LSAMP: variants seen among roughly 807,000 people sequenced by gnomAD.
LSAMP encodes limbic system-associated membrane protein.
A neutral mutation model predicts 38.6 loss-of-function variants in LSAMP; 7 were observed. The ratio of observed to expected loss-of-function variants is 0.18; its 90% CI spans 0.10 to 0.34. The LOEUF (loss-of-function observed/expected upper bound fraction) is 0.34, where lower values mean the gene tolerates loss of function less well. Ranked by LOEUF, LSAMP falls within the 10% of genes least tolerant of loss-of-function variation. LSAMP has a pLI of 1.00. For missense variants in LSAMP, 313 were observed against 420.0 expected (o/e 0.75, Z 2.23); for synonymous variants, 154 against 166.8 (o/e 0.92, Z 0.59).
At chr3:116,130,857 T>C (rs1218325653) in intron 1 of LSAMP, among the ~76,000 whole-genome samples, 1 of 152,078 alleles carries the variant, frequency 6.6e-6, no homozygotes, top group African/African-American at 2.4e-5. Flanking sequence ...TTTCCTCTCT[T>C]TTCCTCCTCC....
chr3:115,975,140 CTGAGCACAG>C (rs1473180069), intron 3 of LSAMP, among the ~76,000 whole-genome samples: 1 of 152,050 alleles, frequency 6.6e-6, no homozygotes, highest in Non-Finnish European at 1.5e-5. Context: ...GAGAGACTGG[CTGAGCACAG>C]TGACTCACTC....
rs1364805702 is a variant in LSAMP, at chr3:115,923,369, T to C, written c.515-70752A>G. On this transcript the variant is annotated intron_variant, in intron 3 of 6. Transcript: ENST00000490035. The stretch of plus-strand genomic sequence containing the variant: ...TGCATATAAAATGAAATTCTTCTTC[T>C]TGACCATTTGAGTGCATCTATTTTT... Among the ~76,000 whole-genome samples the C allele has an allele frequency of 3.9e-5, 6 of 152,216 alleles. No individual in the cohort carries two copies. In the East Asian group the frequency reaches 1.2e-3, roughly 29 times the overall value.
At chr3:116,174,017 C>T (rs1384863732) in intron 1 of LSAMP, among the ~76,000 whole-genome samples, 1 of 151,912 alleles carries the variant, frequency 6.6e-6, no homozygotes, top group Non-Finnish European at 1.5e-5. Flanking sequence ...CAGAACTTTT[C>T]CAAATCAGAA....
At chr3:115,840,446 G>A (rs571693381) in intron 6 of LSAMP, among the ~76,000 whole-genome samples, 5 of 152,208 alleles carry the variant, frequency 3.3e-5, no homozygotes, top group African/African-American at 1.2e-4. Flanking sequence ...AGCGTCTTAG[G>A]GATATTGATG....
chr3:116,423,654 C>T (rs2049158670), intron 1 of LSAMP, among the ~76,000 whole-genome samples: 1 of 152,140 alleles, frequency 6.6e-6, no homozygotes, highest in Non-Finnish European at 1.5e-5. Flanking sequence ...CGGTCCCTGG[C>T]TGAATACAAA....
At chr3:116,260,242 A>G (rs1576465809) in intron 1 of LSAMP, among the ~76,000 whole-genome samples, 2 of 152,254 alleles carry the variant, frequency 1.3e-5, no homozygotes, top group Non-Finnish European at 2.9e-5. Flanking sequence ...TTAAACAAAC[A>G]CACTTGATCT....
At chr3:116,367,882 T>C (rs906457492) in intron 1 of LSAMP, 3 of 152,086 alleles carry the variant, frequency 2.0e-5, no homozygotes, top group Admixed American at 6.6e-5. Flanking sequence ...CACTGCTTAC[T>C]AACAGGAGCA....
chr3:116,173,275 C>A (rs1373403451), intron 1 of LSAMP, among the ~76,000 whole-genome samples: 1 of 152,024 alleles, frequency 6.6e-6, no homozygotes, highest in Admixed American at 6.6e-5. Context: ...TGTAACAAAG[C>A]AGACCTCTAT....
chr3:116,443,955 A>G (rs2049469292), intron 1 of LSAMP, among the ~76,000 whole-genome samples: 2 of 152,164 alleles, frequency 1.3e-5, no homozygotes, highest in Admixed American at 1.3e-4. Flanking sequence ...ACTAGGTCTC[A>G]TTTGAGTCTC....
At chr3:116,392,623 G>A (rs1178474736) in intron 1 of LSAMP, among the ~76,000 whole-genome samples, 2 of 152,210 alleles carry the variant, frequency 1.3e-5, no homozygotes, top group African/African-American at 4.8e-5. Context: ...GGAACCAGGT[G>A]GGTCCCTGGT....
chr3:115,836,484 C>G (rs994519195), intron 6 of LSAMP, among the ~76,000 whole-genome samples: 1 of 152,206 alleles, frequency 6.6e-6, no homozygotes, highest in African/African-American at 2.4e-5. Context: ...TGGTGCTATG[C>G]ACTTCTCCTT....
chr3:116,089,670 C>A (rs941245681), intron 1 of LSAMP, among the ~76,000 whole-genome samples: 1 of 152,092 alleles, frequency 6.6e-6, no homozygotes, highest in Non-Finnish European at 1.5e-5. Flanking sequence ...AATACACATA[C>A]TTTTTCCTAA....
chr3:116,111,170 G>A (rs1460937481), intron 1 of LSAMP, among the ~76,000 whole-genome samples: 1 of 152,162 alleles, frequency 6.6e-6, no homozygotes, highest in African/African-American at 2.4e-5. Context: ...GGCCATCTGG[G>A]CATATACGTG....
At chr3:115,852,264 G>A (rs910378520) in intron 4 of LSAMP, among the ~76,000 whole-genome samples, 2 of 152,182 alleles carry the variant, frequency 1.3e-5, no homozygotes, top group Admixed American at 6.5e-5. Context: ...GTAGAAAAGG[G>A]TACTGTTAAA....
At position 115,869,543 on chromosome 3, in the gene LSAMP, TAATA is replaced by T. The variant is rs578250857; in HGVS notation, c.515-16930_515-16927del. 4.1e-4 allele frequency among the ~76,000 whole-genome samples: 63 copies of T among 152,282 alleles called. 2 individuals carry two copies. In the East Asian group the frequency reaches 0.011, roughly 27 times the overall value. ...CATTATATTGATAACAATTAATTAG[TAATA>T]AATTAAATTTGCTCTTACCATTAAT... On this transcript the variant is annotated intron_variant, in intron 3 of 6. Coordinates refer to ENST00000490035, the MANE Select transcript of LSAMP (RefSeq NM_002338.5).
chr3:115,934,608 T>C (rs1937639362), intron 3 of LSAMP, among the ~76,000 whole-genome samples: 1 of 152,236 alleles, frequency 6.6e-6, no homozygotes, highest in Admixed American at 6.5e-5. Context: ...AAGATAGCAG[T>C]ACTTGATGAA....
At chr3:116,270,658 A>AG (rs1449802295) in intron 1 of LSAMP, among the ~76,000 whole-genome samples, 1 of 152,210 alleles carries the variant, frequency 6.6e-6, no homozygotes, top group Non-Finnish European at 1.5e-5. Flanking sequence ...TGAACTGCCC[A>AG]GGGGGCCTTA....
intron 1 of LSAMP, among the ~76,000 whole-genome samples, chr3:116,161,250 T>C (rs1325684170): frequency 1.3e-5 from 2 of 152,268 alleles, no homozygotes; most frequent in African/African-American, 4.8e-5. Context: ...ATCTCCAAAA[T>C]AGCATGAAAT....
At chr3:116,342,429 T>G (rs891970260) in intron 1 of LSAMP, among the ~76,000 whole-genome samples, 2 of 152,072 alleles carry the variant, frequency 1.3e-5, no homozygotes, top group African/African-American at 4.8e-5. Flanking sequence ...AACCAATTTA[T>G]AGTAAGATGC....
Sources: allele counts gnomAD v4.1 joint callset (sites outside exome capture counted in the v4.1 genomes callset), GRCh38; gene constraint gnomAD v4.1.1; transcripts MANE v1.5; gene names NCBI Gene and HGNC (gene_info 2026-07-23, HGNC 2026-07-21).